Variants in PRKCB observed in about 807,000 individuals in gnomAD.
PRKCB encodes the protein protein kinase C beta type.
PRKCB carries 13 observed loss-of-function variants against 81.5 expected under a neutral mutation model. That is an observed-to-expected ratio of 0.16 (90% CI 0.10 to 0.25). PRKCB has a LOEUF of 0.25. Ranked by LOEUF, PRKCB falls within the 10% of genes least tolerant of loss-of-function variation. PRKCB has a pLI of 1.00. For missense variants in PRKCB, 509 were observed against 875.7 expected (o/e 0.58, Z 5.29); for synonymous variants, 335 against 321.4 (o/e 1.04, Z -0.45).
At chr16:23,867,694 G>A (rs1962832033) in intron 2 of PRKCB, among the ~76,000 whole-genome samples, 1 of 152,180 alleles carries the variant, frequency 6.6e-6, no homozygotes, top group Admixed American at 6.5e-5. Context: ...CTAACAAAGT[G>A]TTTCCAAACA....
chr16:24,219,241 G>GTTTGTTTTGTTTTGT lies in PRKCB; in HGVS notation c.*4428_*4429insGTTTTGTTTTGTTTT, dbSNP rs1555503373. Reference sequence around the variant, plus strand: ...TACTAGGAGAATCGAGTTGCTTTGAGTTTCTTTTGTTTTGTTTTGTTTTGT... The same window carrying GTTTGTTTTGTTTTGT: ...TACTAGGAGAATCGAGTTGCTTTGAGTTTGTTTTGTTTTGTTTTCTTTTGTTTTGTTTTGTTTTGT... On this transcript the variant is annotated 3_prime_UTR_variant, in exon 17 of 17. Transcript: ENST00000643927. 1 of 794,114 alleles carries GTTTGTTTTGTTTTGT rather than the reference G, an allele frequency of 1.3e-6. No homozygotes were observed. The highest frequency in any genetic ancestry group is 1.4e-6 in the Non-Finnish European group (1 of 693,094). 49.2% of individuals were successfully genotyped at this position (794,114 alleles called of 1,614,324 possible).
chr16:24,012,766 T>C (rs1022577845), intron 3 of PRKCB, among the ~76,000 whole-genome samples: 1 of 152,224 alleles, frequency 6.6e-6, no homozygotes, highest in African/African-American at 2.4e-5. Flanking sequence ...TGTTGGAAGA[T>C]ACAGGATATG....
At chr16:24,182,358 A>G (rs1967639300) in intron 13 of PRKCB, among the ~76,000 whole-genome samples, 1 of 152,050 alleles carries the variant, frequency 6.6e-6, no homozygotes. Context: ...AATCTCTACA[A>G]AAAAAATTAA....
At chr16:24,118,284 G>A (rs1253485041) in intron 8 of PRKCB, among the ~76,000 whole-genome samples, 2 of 152,272 alleles carry the variant, frequency 1.3e-5, no homozygotes, top group Non-Finnish European at 2.9e-5. Flanking sequence ...AGGATTGAAT[G>A]AGGTAATGCG....
At chr16:24,014,722 G>T (rs1439068762) in intron 3 of PRKCB, among the ~76,000 whole-genome samples, 1 of 152,200 alleles carries the variant, frequency 6.6e-6, no homozygotes, top group African/African-American at 2.4e-5. Flanking sequence ...CAGGCACTGT[G>T]CTGAGTCTTT....
chr16:24,020,970 TTTTC>T lies in PRKCB; in HGVS notation c.289-11162_289-11159del, dbSNP rs200914323. On this transcript the variant is annotated intron_variant, in intron 3 of 16. Coordinates refer to ENST00000643927, the MANE Select transcript of PRKCB (RefSeq NM_002738.7). ...ACAGCCCATTCAGACTGAGAGAGAC[TTTTC>T]TTTTTCTTTCTTTCTTTCTTTCTTT... Among the ~76,000 whole-genome samples the T allele has an allele frequency of 1.6e-3, 187 of 120,532 alleles. 1 individual carries two copies. The highest frequency in any genetic ancestry group is 5.7e-3 in the African/African-American group (182 of 31,670). 79.1% of individuals were successfully genotyped at this position (120,532 alleles called of 152,430 possible).
At chr16:24,110,509 C>CTTTTTTTTTTTTTT (rs777132623) in intron 7 of PRKCB, among the ~76,000 whole-genome samples, 4 of 125,318 alleles carry the variant, frequency 3.2e-5, no homozygotes, top group African/African-American at 8.5e-5. Flanking sequence ...CCATGCCCAA[C>CTTTTTTTTTTTTTT]CTTTTTTTTT....
chr16:23,860,082 CT>C (rs1311146461), intron 2 of PRKCB, among the ~76,000 whole-genome samples: 1 of 152,054 alleles, frequency 6.6e-6, no homozygotes, highest in Non-Finnish European at 1.5e-5. Flanking sequence ...TTAGACAGAC[CT>C]GCATTCAAAT....
chr16:23,873,195 A>G (rs1402769742), intron 2 of PRKCB, among the ~76,000 whole-genome samples: 5 of 135,034 alleles, frequency 3.7e-5, no homozygotes, highest in South Asian at 5.4e-4. Flanking sequence ...CACACAAAAA[A>G]AAAAAAAAAA....
chr16:24,168,541 C>CTTTTTTTTTTTTTTTTTTTTTTTTTTT lies in PRKCB; in HGVS notation c.1240-3726_1240-3700dup, dbSNP rs56671761. ...TTCATTATTTTTCTTTCTTCTTCTA[C>CTTTTTTTTTTTTTTTTTTTTTTTTTTT]TTTTTTTTTTTTTTTTTTTTTTTTT... is the stretch of plus-strand genomic sequence containing the variant. On this transcript the variant is annotated intron_variant, in intron 10 of 16. Coordinates refer to ENST00000643927, the MANE Select transcript of PRKCB (RefSeq NM_002738.7). 6.5e-5 allele frequency among the ~76,000 whole-genome samples: 5 copies of CTTTTTTTTTTTTTTTTTTTTTTTTTTT among 76,394 alleles called. 1 individual carries two copies. Among genetic ancestry groups the CTTTTTTTTTTTTTTTTTTTTTTTTTTT allele is most frequent in the African/African-American group, 7.7e-5 (2 of 25,962 alleles). The allele number at this position is 76,394 out of a possible 152,430, so 50.1% of individuals were successfully genotyped here. A position where few individuals can be genotyped will look rare whatever the true frequency, so the allele number is the denominator to read the frequency against.
At chr16:24,006,087 C>A (rs1213517717) in intron 3 of PRKCB, among the ~76,000 whole-genome samples, 1 of 152,286 alleles carries the variant, frequency 6.6e-6, no homozygotes, top group Middle Eastern at 3.4e-3. Context: ...CTTCTTCCCT[C>A]TCTCACTTAT....
intron 2 of PRKCB, among the ~76,000 whole-genome samples, chr16:23,875,707 T>TATATGTGTGTATATCACAC (rs1962999350): frequency 2.0e-5 from 2 of 99,872 alleles, no homozygotes; most frequent in African/African-American, 6.4e-5. Flanking sequence ...ATATCACACA[T>TATATGTGTGTATATCACAC]ATATATGTAT....
chr16:24,021,036 C>A (rs1195737697), intron 3 of PRKCB, among the ~76,000 whole-genome samples: 13 of 138,576 alleles, frequency 9.4e-5, no homozygotes, highest in African/African-American at 3.6e-4. Context: ...TTCTTTCTTT[C>A]TTTCTCTTTC....
At chr16:23,892,605 A>G (rs1963312124) in intron 2 of PRKCB, among the ~76,000 whole-genome samples, 1 of 152,242 alleles carries the variant, frequency 6.6e-6, no homozygotes, top group Non-Finnish European at 1.5e-5. Flanking sequence ...GTCTTCATAC[A>G]AAACCATGTA....
At chr16:24,112,216 G>A (rs1210316423) in intron 7 of PRKCB, among the ~76,000 whole-genome samples, 1 of 152,174 alleles carries the variant, frequency 6.6e-6, no homozygotes, top group Non-Finnish European at 1.5e-5. Context: ...CCCTATGTAG[G>A]GTGAAAGGTA....
At chr16:24,026,583 A>G (rs1965482830) in intron 3 of PRKCB, among the ~76,000 whole-genome samples, 1 of 152,222 alleles carries the variant, frequency 6.6e-6, no homozygotes, top group Non-Finnish European at 1.5e-5. Flanking sequence ...TTTCTTCTCT[A>G]CTAGGCAGGA....
In PRKCB at chr16:23,879,600, T is replaced by A. The variant is rs146343412; in HGVS notation, c.205+42194T>A. On this transcript the variant is annotated intron_variant, in intron 2 of 16. Transcript: ENST00000643927. ...CCTCCGCCTCCCCAGTTCAAGTGAT[T>A]CTCCAGCCTAGGCCTCCCGAGTAGC... is the stretch of plus-strand genomic sequence containing the variant. Among the ~76,000 whole-genome samples the A allele has an allele frequency of 4.1e-3, 605 of 147,566 alleles. 3 individuals carry two copies. Among genetic ancestry groups the A allele is most frequent in the African/African-American group, 0.014 (555 of 39,562 alleles).
intron 2 of PRKCB, among the ~76,000 whole-genome samples, chr16:23,973,742 A>T (rs961218740): frequency 3.3e-5 from 5 of 152,054 alleles, no homozygotes; most frequent in Non-Finnish European, 7.4e-5. Flanking sequence ...GTGCATTGGC[A>T]TGATCACGGC....
At chr16:24,151,394 A>G (rs182591281) in intron 9 of PRKCB, among the ~76,000 whole-genome samples, 1 of 152,328 alleles carries the variant, frequency 6.6e-6, no homozygotes, top group African/African-American at 2.4e-5. Flanking sequence ...TTCCTTTTCA[A>G]ATTTAGTTAA....
Sources: gnomAD v4.1 joint callset for allele counts (sites outside exome capture counted in the v4.1 genomes callset) on GRCh38, gnomAD v4.1.1 for gene constraint, MANE v1.5 for transcripts, NCBI Gene and HGNC (gene_info 2026-07-23, HGNC 2026-07-21) for gene names.